The following RCC1 variants were observed in gnomAD, a reference collection of about 807,000 sequenced individuals.
RCC1 encodes regulator of chromosome condensation.
A neutral mutation model predicts 44.4 loss-of-function variants in RCC1; 11 were observed. The observed-to-expected ratio is 0.25, with a 90% CI of 0.16 to 0.41. RCC1 has a LOEUF of 0.41. Among genes scored for constraint, RCC1 ranks in the 10% least tolerant of loss-of-function variants. The pLI is 1.00. For synonymous variants in RCC1, 213 were observed against 216.5 expected (o/e 0.98, Z 0.14); for missense variants, 386 against 547.1 (o/e 0.71, Z 2.94).
chr1:28,507,498 C>T (rs1320704433), intron 1 of RCC1: 2 of 518,794 alleles, frequency 3.9e-6, no homozygotes, highest in African/African-American at 1.9e-5. Context: ...CTCGTGTCTG[C>T]GCCTGCATAT....
Position 28,529,898 on chromosome 1 carries a change from C to A in RCC1, c.32C>A (p.Ser11Tyr). The A allele has an allele frequency of 6.2e-7, 1 of 1,613,432 alleles. No homozygotes were observed. The highest frequency in any genetic ancestry group is 8.5e-7 in the Non-Finnish European group (1 of 1,179,592). ...CCCAAGCGCATAGCTAAAAGAAGGT[C>A]CCCCCCAGCAGATGCCATCCCCAAA... MSPKRIAKRR[S>Y]PPADAIPKSK... Residue 11 changes from serine to tyrosine, a missense_variant, in exon 5 of 13, where the codon TCC (serine) becomes TAC (tyrosine). Physicochemically the swap from Ser to Tyr is moderately radical, Grantham distance 144 (BLOSUM62 -2). Transcript: ENST00000683442.
At chr1:28,530,491 AC>A in intron 5 of RCC1, 2 of 1,576,200 alleles carry the variant, frequency 1.3e-6, no homozygotes, top group Non-Finnish European at 8.6e-7. Flanking sequence ...GGAAGTGTGG[AC>A]CCACGCTCAG....
At chr1:28,519,848 C>T (rs1663158815) in intron 4 of RCC1, among the ~76,000 whole-genome samples, 1 of 151,496 alleles carries the variant, frequency 6.6e-6, no homozygotes, top group Admixed American at 6.6e-5. Flanking sequence ...GCTGGAATTA[C>T]AGGTGTGAGC....
intron 4 of RCC1, among the ~76,000 whole-genome samples, chr1:28,527,910 G>A (rs1348743611): frequency 1.3e-5 from 2 of 151,532 alleles, no homozygotes; most frequent in South Asian, 2.1e-4. Flanking sequence ...TCCAGAGGCT[G>A]AGGCAGGAGA....
In RCC1 at chr1:28,524,935, A is replaced by T. The variant is rs1365336356; in HGVS notation, c.-9-4923A>T. Reference sequence around the variant, plus strand: ...ACCCAAAGCCAAGCAGTAGTGTAGCAGGATAAGCCGCAGACAAAACCCCCC... The same window carrying T: ...ACCCAAAGCCAAGCAGTAGTGTAGCTGGATAAGCCGCAGACAAAACCCCCC... On this transcript the variant is annotated intron_variant, in intron 4 of 12. Transcript: ENST00000683442. Among the ~76,000 whole-genome samples, 3 of 152,180 alleles carry T rather than the reference A, an allele frequency of 2.0e-5. No individual in the cohort carries two copies. In the South Asian group the frequency reaches 6.2e-4, roughly 31 times the overall value.
In RCC1 at chr1:28,537,880, G is replaced by A; in HGVS notation, c.1139G>A (p.Gly380Glu). 2 of 1,613,596 alleles carry A rather than the reference G, an allele frequency of 1.2e-6. No homozygotes were observed. The highest frequency in any genetic ancestry group is 1.7e-6 in the Non-Finnish European group (2 of 1,179,810). The part of the protein sequence containing the change: ...GMGTNYQLGT[G>E]QDEDAWSPVE... The stretch of plus-strand genomic sequence containing the variant: ...GGCACCAACTACCAGCTGGGCACAG[G>A]GCAGGATGAGGACGCCTGGAGCCCT... Residue 380 changes from glycine to glutamate, a missense_variant, in exon 13 of 13, where the codon GGG (glycine) becomes GAG (glutamate). Gly to Glu is a moderately conservative substitution (Grantham distance 98). Transcript: ENST00000683442.
intron 12 of RCC1, among the ~76,000 whole-genome samples, chr1:28,537,508 G>T (rs1470502049): frequency 6.6e-6 from 1 of 152,194 alleles, no homozygotes; most frequent in Non-Finnish European, 1.5e-5. Flanking sequence ...GAAAAGCAAA[G>T]AATGCCATTC....
intron 5 of RCC1, among the ~76,000 whole-genome samples, chr1:28,530,769 C>T (rs544951943): frequency 1.3e-5 from 2 of 152,280 alleles, no homozygotes; most frequent in South Asian, 2.1e-4. Flanking sequence ...CGCGCACCTC[C>T]CGCAAATGCC....
intron 3 of RCC1, among the ~76,000 whole-genome samples, chr1:28,511,976 C>CTTTT (rs36018995): frequency 1.0e-5 from 1 of 99,496 alleles, no homozygotes; most frequent in Non-Finnish European, 1.9e-5. Flanking sequence ...AAGCCTGATC[C>CTTTT]TTTTTTTTTT....
At chr1:28,524,868 G>C (rs1663542015) in intron 4 of RCC1, among the ~76,000 whole-genome samples, 1 of 152,018 alleles carries the variant, frequency 6.6e-6, no homozygotes, top group African/African-American at 2.4e-5. Context: ...AATTATGAGA[G>C]TAAAAAAGGG....
At chr1:28,519,727 G>C (rs866518311) in intron 4 of RCC1, among the ~76,000 whole-genome samples, 1 of 151,580 alleles carries the variant, frequency 6.6e-6, no homozygotes, top group African/African-American at 2.4e-5. Flanking sequence ...ACCAGGCCCA[G>C]CTAATTTTTG....
At chr1:28,532,388 G>A (rs1467311116) in intron 7 of RCC1, 38 bp downstream of exon 7, 1 of 1,606,700 alleles carries the variant, frequency 6.2e-7, no homozygotes, top group South Asian at 1.1e-5. Context: ...GTCCCTGAAA[G>A]ACAGAATTAA....
chr1:28,530,353 C>T (rs1664051133), intron 5 of RCC1, among the ~76,000 whole-genome samples: 1 of 152,194 alleles, frequency 6.6e-6, no homozygotes, highest in Admixed American at 6.5e-5. Context: ...GTCACCCTCT[C>T]TGGGCTGTGT....
chr1:28,533,839 TC>T (rs1664351194), intron 7 of RCC1, among the ~76,000 whole-genome samples: 7 of 124,124 alleles, frequency 5.6e-5, no homozygotes, highest in Non-Finnish European at 1.1e-4. Context: ...TCTTTTCTTT[TC>T]TTTTCTTTTT....
chr1:28,514,026 AGGTGT>A (rs1662716706), intron 3 of RCC1, among the ~76,000 whole-genome samples: 1 of 151,846 alleles, frequency 6.6e-6, no homozygotes, highest in African/African-American at 2.4e-5. Context: ...AAAATTAGCC[AGGTGT>A]GGTGGTGCTC....
chr1:28,533,428 G>A (rs535646393), intron 7 of RCC1, among the ~76,000 whole-genome samples: 48 of 147,648 alleles, frequency 3.3e-4, no homozygotes, highest in African/African-American at 8.7e-4. Context: ...CCAAGATCGC[G>A]CCACTGCACT....
intron 4 of RCC1, among the ~76,000 whole-genome samples, chr1:28,524,473 C>T (rs1663514353): frequency 1.3e-5 from 2 of 152,122 alleles, no homozygotes; most frequent in African/African-American, 2.4e-5. Flanking sequence ...GTGGGAAGAT[C>T]GCTTGAGTCC....
chr1:28,527,958 G>A (rs929196126), intron 4 of RCC1, among the ~76,000 whole-genome samples: 5 of 146,682 alleles, frequency 3.4e-5, no homozygotes, highest in South Asian at 4.3e-4. Flanking sequence ...GTGGTGAGCC[G>A]AGATTGCGCC....
intron 7 of RCC1, among the ~76,000 whole-genome samples, chr1:28,533,777 A>G (rs1307682259): frequency 6.9e-6 from 1 of 144,994 alleles, no homozygotes; most frequent in Non-Finnish European, 1.5e-5. Flanking sequence ...TCTCAAAAAA[A>G]AAAAAAAAAA....
Sources: allele counts gnomAD v4.1 joint callset (sites outside exome capture counted in the v4.1 genomes callset), GRCh38; gene constraint gnomAD v4.1.1; transcripts MANE v1.5; gene names NCBI Gene and HGNC (gene_info 2026-07-23, HGNC 2026-07-21).